The following MSRA variants were observed in gnomAD, a reference collection of about 807,000 sequenced individuals.
MSRA encodes the protein methionine sulfoxide reductase A.
A neutral mutation model predicts 31.3 loss-of-function variants in MSRA; 54 were observed. That is an observed-to-expected ratio of 1.73 (90% CI 1.39 to 2.17). MSRA has a LOEUF of 2.17. MSRA is among the 30% of genes most tolerant of loss of function. MSRA has a pLI of 0.00. For synonymous variants in MSRA, 169 were observed against 116.5 expected (o/e 1.45, Z -2.90); for missense variants, 507 against 300.9 (o/e 1.69, Z -5.07).
At chr8:10,169,682 C>G (rs888929446) in intron 1 of MSRA, among the ~76,000 whole-genome samples, 1 of 152,138 alleles carries the variant, frequency 6.6e-6, no homozygotes, top group Non-Finnish European at 1.5e-5. Context: ...ACAAATCTTG[C>G]CCATGTTCAT....
intron 5 of MSRA, among the ~76,000 whole-genome samples, chr8:10,355,979 G>T (rs1388990383): frequency 6.6e-6 from 1 of 152,188 alleles, no homozygotes; most frequent in African/African-American, 2.4e-5. Flanking sequence ...AAGGAATTCA[G>T]TAGCAGCCCA....
intron 1 of MSRA, among the ~76,000 whole-genome samples, chr8:10,172,318 G>A (rs1805662158): frequency 6.6e-6 from 1 of 152,162 alleles, no homozygotes; most frequent in Non-Finnish European, 1.5e-5. Flanking sequence ...AGGTGCTGAT[G>A]GGGTTGGAGG....
At chr8:10,358,217 C>T (rs1357130170) in intron 5 of MSRA, among the ~76,000 whole-genome samples, 1 of 152,192 alleles carries the variant, frequency 6.6e-6, no homozygotes, top group Non-Finnish European at 1.5e-5. Context: ...GTGTGAGCCA[C>T]CATGCCTGGC....
intron 5 of MSRA, chr8:10,337,843 T>G (rs1328956215): frequency 1.4e-6 from 1 of 701,970 alleles, no homozygotes; most frequent in East Asian, 2.7e-5. Context: ...GTGCCTTCTT[T>G]CTGCTAAATC....
At chr8:10,397,943 G>C (rs1478801898) in intron 5 of MSRA, among the ~76,000 whole-genome samples, 1 of 152,164 alleles carries the variant, frequency 6.6e-6, no homozygotes, top group African/African-American at 2.4e-5. Context: ...TCCCTCTCTT[G>C]TTAATGTGAA....
At chr8:10,118,505 C>G (rs1234482446) in intron 1 of MSRA, among the ~76,000 whole-genome samples, 1 of 152,054 alleles carries the variant, frequency 6.6e-6, no homozygotes, top group Non-Finnish European at 1.5e-5. Flanking sequence ...CTGTCAGGGG[C>G]TCTCTATTTC....
At chr8:10,069,100 A>C (rs2128917069) in intron 1 of MSRA, among the ~76,000 whole-genome samples, 1 of 152,352 alleles carries the variant, frequency 6.6e-6, no homozygotes, top group African/African-American at 2.4e-5. Flanking sequence ...GAAGGCAATA[A>C]TTGACTTTCG....
At chr8:10,356,904 AAAAAAAT>A (rs1413420586) in intron 5 of MSRA, among the ~76,000 whole-genome samples, 13 of 132,720 alleles carry the variant, frequency 9.8e-5, no homozygotes, top group Non-Finnish European at 2.0e-4. Context: ...AAAAAAAAAA[AAAAAAAT>A]ATATGTGTCT....
In MSRA at chr8:10,368,399, A is replaced by T. The variant is rs1371383693; in HGVS notation, c.543+48410A>T. On this transcript the variant is annotated intron_variant, in intron 5 of 5. Coordinates refer to ENST00000317173, the MANE Select transcript of MSRA (RefSeq NM_012331.5). The stretch of plus-strand genomic sequence containing the variant: ...CAGCACTATCATTTGATTTGCTAAA[A>T]GATGTCTTCCTTTGCAAAATCAGAA... Among the ~76,000 whole-genome samples, 4 of 152,248 alleles carry T rather than the reference A, an allele frequency of 2.6e-5. No individual in the cohort carries two copies. The East Asian group carries it at 7.7e-4, about 29-fold the overall frequency.
At chr8:10,184,630 C>T (rs572221691) in intron 1 of MSRA, among the ~76,000 whole-genome samples, 23 of 152,132 alleles carry the variant, frequency 1.5e-4, no homozygotes, top group Non-Finnish European at 2.6e-4. Flanking sequence ...CTAAGGATGC[C>T]TTGTCTGATG....
chr8:10,420,944 C>T (rs1449246610), intron 5 of MSRA, among the ~76,000 whole-genome samples: 1 of 151,558 alleles, frequency 6.6e-6, no homozygotes, highest in African/African-American at 2.4e-5. Flanking sequence ...CTGCACTGAG[C>T]CCTGATCACG....
intron 5 of MSRA, among the ~76,000 whole-genome samples, chr8:10,342,806 A>T (rs1803513951): frequency 6.6e-6 from 1 of 152,256 alleles, no homozygotes; most frequent in South Asian, 2.1e-4. Context: ...CCTGCATCCC[A>T]GTTGAGTGAC....
intron 1 of MSRA, among the ~76,000 whole-genome samples, chr8:10,162,024 G>A (rs953149099): frequency 3.9e-5 from 6 of 152,156 alleles, no homozygotes; most frequent in Admixed American, 2.0e-4. Context: ...GCCGCCCCTC[G>A]CTTCCCTCAT....
At chr8:10,190,020 G>A (rs1201435281) in intron 1 of MSRA, among the ~76,000 whole-genome samples, 2 of 152,122 alleles carry the variant, frequency 1.3e-5, no homozygotes, top group African/African-American at 2.4e-5. Flanking sequence ...AAGTGTGTCT[G>A]TTATTAATTT....
chr8:10,402,862 G>A (rs1170014725), intron 5 of MSRA, among the ~76,000 whole-genome samples: 1 of 152,190 alleles, frequency 6.6e-6, no homozygotes, highest in Non-Finnish European at 1.5e-5. Flanking sequence ...TCCCTGTACT[G>A]AAGGGTCCCA....
intron 5 of MSRA, among the ~76,000 whole-genome samples, chr8:10,368,683 A>G (rs1456178028): frequency 6.6e-6 from 1 of 152,248 alleles, no homozygotes; most frequent in African/African-American, 2.4e-5. Flanking sequence ...TATTAAAACA[A>G]AGCAGTTGTA....
intron 1 of MSRA, among the ~76,000 whole-genome samples, chr8:10,110,984 C>T (rs913201457): frequency 6.6e-5 from 10 of 152,156 alleles, no homozygotes; most frequent in African/African-American, 2.4e-4. Flanking sequence ...AGGAAAGTCA[C>T]ATTTTTATGT....
intron 3 of MSRA, among the ~76,000 whole-genome samples, chr8:10,279,693 G>A: frequency 6.6e-6 from 1 of 152,176 alleles, no homozygotes; most frequent in East Asian, 1.9e-4. Flanking sequence ...ACACCTAGAA[G>A]GCACAAGATA....
chr8:10,316,402 G>A (rs1274460828), intron 4 of MSRA, among the ~76,000 whole-genome samples: 1 of 152,104 alleles, frequency 6.6e-6, no homozygotes, highest in Non-Finnish European at 1.5e-5. Context: ...CTTGGCAGTG[G>A]GAGAGGGCAG....
Sources: allele counts gnomAD v4.1 joint callset (sites outside exome capture counted in the v4.1 genomes callset), GRCh38; gene constraint gnomAD v4.1.1; transcripts MANE v1.5; gene names NCBI Gene and HGNC (gene_info 2026-07-23, HGNC 2026-07-21).